The following PRLR variants were observed in gnomAD, a reference collection of about 807,000 sequenced individuals.
PRLR encodes the protein prolactin receptor.
Under a neutral mutation model 40.2 loss-of-function variants are expected in PRLR, and 13 were observed. The ratio of observed to expected loss-of-function variants is 0.32; its 90% confidence interval spans 0.21 to 0.51. The LOEUF (loss-of-function observed/expected upper bound fraction) is 0.51, where lower values mean the gene tolerates loss of function less well. PRLR is among the 20% of genes least tolerant of loss of function. PRLR has a pLI of 0.97. For missense variants in PRLR, 656 were observed against 747.3 expected, an observed-to-expected ratio of 0.88 and a Z score of 1.42; for synonymous variants, 269 against 278.7, an observed-to-expected ratio of 0.97 and a Z score of 0.35.
intron 1 of PRLR, among the ~76,000 whole-genome samples, chr5:35,157,993 T>C (rs1006243460): frequency 1.3e-4 from 20 of 152,386 alleles, no homozygotes; most frequent in Non-Finnish European, 2.5e-4. Flanking sequence ...ATTTATCTGC[T>C]AGCCTCACAC....
downstream of PRLR, among the ~76,000 whole-genome samples, chr5:35,050,954 G>A (rs1284276133): frequency 1.3e-5 from 2 of 152,220 alleles, no homozygotes; most frequent in African/African-American, 2.4e-5. Flanking sequence ...CTGAGGTGCA[G>A]AGATTAGCAG....
Position 35,065,744 on chromosome 5 carries a change from T to C in PRLR, c.1214A>G (p.Tyr405Cys), listed in dbSNP as rs747489659. ...ACATTTGGATCCACCAGCATGAAAATAGGGGATTTTGCCTTCCATGCTTAT... is the reference window on the plus strand; with the variant it reads ...ACATTTGGATCCACCAGCATGAAAACAGGGGATTTTGCCTTCCATGCTTAT... ...QCISMEGKIPYFHAGGSKCST... is the reference protein window; with the variant it reads ...QCISMEGKIPCFHAGGSKCST... The change falls in exon 10 of 10, where the codon TAT (tyrosine) becomes TGT (cysteine). Residue 405 changes from tyrosine (Y) to cysteine (C), a missense_variant. Physicochemically the swap from Tyr to Cys is radical, Grantham distance 194. Coordinates refer to ENST00000618457, the MANE Select transcript of PRLR (RefSeq NM_000949.7). 3 of 1,613,864 alleles carry C rather than the reference T, an allele frequency of 1.9e-6. No homozygotes were observed. Among genetic ancestry groups the C allele is most frequent in the East Asian group, 4.5e-5 (2 of 44,870 alleles).
intron 1 of PRLR, among the ~76,000 whole-genome samples, chr5:35,145,014 A>C (rs1774141517): frequency 1.3e-5 from 2 of 152,304 alleles, no homozygotes; most frequent in African/African-American, 2.4e-5. Flanking sequence ...ACAAGTAATG[A>C]ATATATTAGG....
intron 2 of PRLR, among the ~76,000 whole-genome samples, chr5:35,114,703 G>C (rs1467591514): frequency 6.6e-6 from 1 of 152,192 alleles, no homozygotes; most frequent in African/African-American, 2.4e-5. Flanking sequence ...GAAACTCTGA[G>C]TCCCTCTTGC....
intron 1 of PRLR, among the ~76,000 whole-genome samples, chr5:35,183,522 C>A (rs1160553532): frequency 6.6e-6 from 1 of 152,142 alleles, no homozygotes; most frequent in Non-Finnish European, 1.5e-5. Context: ...CTGTGGTATG[C>A]CTTCTGGGGC....
At chr5:35,188,610 C>A (rs923253405) in intron 1 of PRLR, among the ~76,000 whole-genome samples, 2 of 152,152 alleles carry the variant, frequency 1.3e-5, no homozygotes, top group Non-Finnish European at 1.5e-5. Context: ...AAATCAGAAC[C>A]CACAGTATCT....
chr5:35,216,890 T>G (rs2111659952), intron 1 of PRLR, among the ~76,000 whole-genome samples: 1 of 152,348 alleles, frequency 6.6e-6, no homozygotes, highest in South Asian at 2.1e-4. Context: ...AGTCCTGCCC[T>G]CAGGTAGCTT....
intron 1 of PRLR, among the ~76,000 whole-genome samples, chr5:35,213,043 G>A (rs1170001462): frequency 6.6e-6 from 1 of 152,212 alleles, no homozygotes; most frequent in African/African-American, 2.4e-5. Context: ...GTAGCTTAAT[G>A]CTTTGCCACT....
At chr5:35,081,924 C>T (rs560135293) in intron 5 of PRLR, 2 of 203,420 alleles carry the variant, frequency 9.8e-6, no homozygotes, top group Admixed American at 4.7e-5. Context: ...TTGTCAAGCC[C>T]ATTTCCTGGT....
At chr5:35,141,232 A>T (rs1459245656) in intron 1 of PRLR, among the ~76,000 whole-genome samples, 4 of 145,170 alleles carry the variant, frequency 2.8e-5, no homozygotes, top group Admixed American at 2.7e-4. Context: ...ATTCCTTAAT[A>T]CCTGAAAAAA....
At chr5:35,169,624 TA>T (rs1337386125) in intron 1 of PRLR, among the ~76,000 whole-genome samples, 2 of 152,244 alleles carry the variant, frequency 1.3e-5, no homozygotes, top group Non-Finnish European at 2.9e-5. Context: ...GTGTAGTCAT[TA>T]CAACAATTTT....
chr5:35,116,421 T>C (rs1773027328), intron 2 of PRLR, among the ~76,000 whole-genome samples: 1 of 152,230 alleles, frequency 6.6e-6, no homozygotes, highest in Non-Finnish European at 1.5e-5. Flanking sequence ...GTCTCAAATC[T>C]TTTGAGCAAT....
At chr5:35,109,766 G>C (rs922193718) in intron 2 of PRLR, among the ~76,000 whole-genome samples, 3 of 152,208 alleles carry the variant, frequency 2.0e-5, no homozygotes, top group African/African-American at 7.2e-5. Context: ...TACACTATTG[G>C]TGGGACTGTA....
chr5:35,202,180 A>G (rs1267707383), intron 1 of PRLR, among the ~76,000 whole-genome samples: 3 of 152,208 alleles, frequency 2.0e-5, no homozygotes, highest in African/African-American at 7.2e-5. Flanking sequence ...GGAAATTTAC[A>G]TATTTCCATT....
chr5:35,106,790 C>T (rs1386258308), intron 2 of PRLR, among the ~76,000 whole-genome samples: 1 of 152,150 alleles, frequency 6.6e-6, no homozygotes, highest in Admixed American at 6.5e-5. Flanking sequence ...GACTTTAACA[C>T]CCCATTGTCA....
At chr5:35,085,714 G>A (rs1218346191) in intron 4 of PRLR, among the ~76,000 whole-genome samples, 1 of 152,074 alleles carries the variant, frequency 6.6e-6, no homozygotes, top group Non-Finnish European at 1.5e-5. Context: ...GACATGTTTA[G>A]TTAAAAAAAA....
At chr5:35,085,556 C>G (rs192826404) in intron 4 of PRLR, among the ~76,000 whole-genome samples, 39 of 152,106 alleles carry the variant, frequency 2.6e-4, no homozygotes, top group African/African-American at 9.4e-4. Flanking sequence ...CTTGGATGAG[C>G]AATGTGCTAA....
At chr5:35,079,500 G>T (rs1486393934) in intron 5 of PRLR, among the ~76,000 whole-genome samples, 1 of 152,102 alleles carries the variant, frequency 6.6e-6, no homozygotes, top group Non-Finnish European at 1.5e-5. Context: ...CAACTTACAA[G>T]GGATGTGAAG....
intron 1 of PRLR, among the ~76,000 whole-genome samples, chr5:35,187,780 A>G (rs1175795158): frequency 2.0e-5 from 3 of 152,186 alleles, no homozygotes; most frequent in African/African-American, 7.2e-5. Context: ...TTCCCAGTCC[A>G]GGGTTTTCCT....
Sources: allele counts gnomAD v4.1 joint callset (sites outside exome capture counted in the v4.1 genomes callset), GRCh38; gene constraint gnomAD v4.1.1; transcripts MANE v1.5; gene names NCBI Gene and HGNC (gene_info 2026-07-23, HGNC 2026-07-21).